FGF14: variants seen among roughly 807,000 people sequenced by gnomAD.
FGF14 encodes the protein fibroblast growth factor 14, also known as fibroblast growth factor homologous factor 4.
In FGF14, 5 loss-of-function variants were observed where a neutral mutation model predicts 25.5. The ratio of observed to expected loss-of-function variants is 0.20; its 90% CI spans 0.10 to 0.41. The LOEUF (loss-of-function observed/expected upper bound fraction) is 0.41, where lower values mean the gene tolerates loss of function less well. Among genes scored for constraint, FGF14 ranks in the 10% least tolerant of loss-of-function variants. The pLI, the probability that FGF14 is intolerant of heterozygous loss-of-function variation, is 1.00. For missense variants in FGF14, 222 were observed against 320.1 expected (o/e 0.69, Z 2.34); for synonymous variants, 138 against 118.3 (o/e 1.17, Z -1.08).
chr13:102,298,004 T>C (rs1300777110), intron 1 of FGF14, among the ~76,000 whole-genome samples: 1 of 152,086 alleles, frequency 6.6e-6, no homozygotes, highest in African/African-American at 2.4e-5. Flanking sequence ...TTTATACACA[T>C]TGTACTGTTG....
intron 1 of FGF14, among the ~76,000 whole-genome samples, chr13:102,161,712 GAAGAAGAAGAAGAAT>G (rs2047776377): frequency 8.0e-5 from 12 of 149,228 alleles, no homozygotes; most frequent in Non-Finnish European, 1.6e-4. Flanking sequence ...AGAAGAAGAA[GAAGAAGAAGAAGAAT>G]AGAAATGTGT....
intron 1 of FGF14, among the ~76,000 whole-genome samples, chr13:102,095,773 C>T (rs2044365588): frequency 6.6e-6 from 1 of 151,886 alleles, no homozygotes; most frequent in African/African-American, 2.4e-5. Flanking sequence ...TCTATCTTAC[C>T]TTACAGTAAG....
chr13:102,276,215 C>T (rs1054869645), intron 1 of FGF14, among the ~76,000 whole-genome samples: 11 of 150,416 alleles, frequency 7.3e-5, no homozygotes, highest in African/African-American at 2.4e-4. Flanking sequence ...CAGATGAAAT[C>T]TCAGTCAACA....
chr13:101,985,491 A>G (rs1482289289), intron 1 of FGF14, among the ~76,000 whole-genome samples: 1 of 152,122 alleles, frequency 6.6e-6, no homozygotes, highest in Non-Finnish European at 1.5e-5. Flanking sequence ...CCATTATTTC[A>G]GTATCTTGCT....
At chr13:102,150,835 G>A (rs2047053167) in intron 1 of FGF14, among the ~76,000 whole-genome samples, 1 of 152,082 alleles carries the variant, frequency 6.6e-6, no homozygotes, top group Non-Finnish European at 1.5e-5. Context: ...TAGAGATCTG[G>A]GTGCTGCCAA....
At chr13:102,212,551 G>A (rs2050205295) in intron 1 of FGF14, among the ~76,000 whole-genome samples, 1 of 152,128 alleles carries the variant, frequency 6.6e-6, no homozygotes, top group East Asian at 1.9e-4. Context: ...CTGAAGGTGA[G>A]GAACCATATC....
rs950774008 is a variant in FGF14 at position 101,721,065 on chromosome 13, G to C, written c.*1766C>G. 1 of 152,048 alleles carries C rather than the reference G, an allele frequency of 6.6e-6. No individual in the cohort carries two copies. Among genetic ancestry groups the C allele is most frequent in the African/African-American group, 2.4e-5 (1 of 41,406 alleles). 9.4% of individuals were successfully genotyped at this position (152,048 alleles called of 1,614,324 possible). A position where few individuals can be genotyped will look rare whatever the true frequency, so the allele number is the denominator to read the frequency against. On this transcript the variant is annotated 3_prime_UTR_variant, in exon 5 of 5. Coordinates refer to ENST00000376143, the MANE Select transcript of FGF14 (RefSeq NM_004115.4). ...TGCAGATGGGGAAAATGATGACTGG[G>C]TCATCCTCCCACATAGAAAGAATAA...
rs1036147042 is a variant in FGF14, at chr13:101,713,419, C to A, written c.*9412G>T. 2 of 152,142 alleles carry A rather than the reference C, an allele frequency of 1.3e-5. No homozygotes were observed. The highest frequency in any genetic ancestry group is 2.9e-5 in the Non-Finnish European group (2 of 68,014). 9.4% of individuals were successfully genotyped at this position (152,142 alleles called of 1,614,324 possible). On this transcript the variant is annotated 3_prime_UTR_variant, in exon 5 of 5. Coordinates refer to ENST00000376143, the MANE Select transcript of FGF14 (RefSeq NM_004115.4). ...TGTCAAAATACTCTTTTCAACTGCA[C>A]ATTTTTTCAACGTGATTTTGACTCA...
At chr13:102,169,836 C>T (rs530980431) in intron 1 of FGF14, among the ~76,000 whole-genome samples, 1 of 152,254 alleles carries the variant, frequency 6.6e-6, no homozygotes, top group Admixed American at 6.5e-5. Context: ...CTACACCACC[C>T]AGTCCAGCAG....
chr13:101,886,774 A>G (rs1388533363), intron 1 of FGF14, among the ~76,000 whole-genome samples: 1 of 152,156 alleles, frequency 6.6e-6, no homozygotes, highest in African/African-American at 2.4e-5. Context: ...CAGAATGAGA[A>G]AATATTTGCC....
intron 1 of FGF14, among the ~76,000 whole-genome samples, chr13:102,326,296 T>G (rs2056420625): frequency 6.6e-6 from 1 of 152,188 alleles, no homozygotes; most frequent in Non-Finnish European, 1.5e-5. Flanking sequence ...AGTGACAAAC[T>G]GCACAATGCA....
chr13:102,200,834 A>G (rs547850229), intron 1 of FGF14, among the ~76,000 whole-genome samples: 412 of 152,188 alleles, frequency 2.7e-3, no homozygotes, highest in Non-Finnish European at 4.3e-3. Context: ...TTGAGGCGGT[A>G]GCTCATGCCT....
At chr13:101,981,982 G>A (rs888254924) in intron 1 of FGF14, among the ~76,000 whole-genome samples, 8 of 152,164 alleles carry the variant, frequency 5.3e-5, no homozygotes, top group African/African-American at 1.9e-4. Context: ...GATCTCAGGG[G>A]AAAATAAATG....
rs144955627 is a variant in FGF14, at chr13:102,058,908, C to A, written c.209-183612G>T. 4.7e-5 allele frequency among the ~76,000 whole-genome samples: 7 copies of A among 148,654 alleles called. No homozygotes were observed. The East Asian group carries it at 1.4e-3, about 29-fold the overall frequency. On this transcript the variant is annotated intron_variant, in intron 1 of 4. Coordinates refer to the FGF14 transcript ENST00000376131. Reference sequence around the variant, plus strand: ...AAATAGTCAACATTTCTCATGATATCGAATTGCTCAACAGACCAGGAATTT... The same window carrying A: ...AAATAGTCAACATTTCTCATGATATAGAATTGCTCAACAGACCAGGAATTT...
intron 1 of FGF14, among the ~76,000 whole-genome samples, chr13:102,323,957 ATGTGTG>A (rs3066051): frequency 0.26 from 35,452 of 136,216 alleles, 4,237 homozygotes; most frequent in African/African-American, 0.28. Flanking sequence ...AACGTGCAGT[ATGTGTG>A]TGTGTGTGTG....
intron 1 of FGF14, among the ~76,000 whole-genome samples, chr13:102,011,520 A>G (rs764910944): frequency 1.3e-5 from 2 of 151,728 alleles, no homozygotes; most frequent in South Asian, 2.1e-4. Flanking sequence ...AGCTGAGAGC[A>G]TAGAGAGCAG....
chr13:101,883,803 C>T (rs4450265), intron 1 of FGF14, among the ~76,000 whole-genome samples: 5,778 of 151,916 alleles, frequency 0.038, 397 homozygotes, highest in African/African-American at 0.13. Context: ...TGGCTCACAC[C>T]TGTAATCCCA....
At chr13:102,022,426 G>A (rs1312037422) in intron 1 of FGF14, among the ~76,000 whole-genome samples, 1 of 152,078 alleles carries the variant, frequency 6.6e-6, no homozygotes, top group African/African-American at 2.4e-5. Context: ...TCATTGAGAT[G>A]ACAAGCTAAA....
chr13:101,804,354 T>C (rs1467039899), intron 3 of FGF14, among the ~76,000 whole-genome samples: 2 of 152,144 alleles, frequency 1.3e-5, no homozygotes, highest in Non-Finnish European at 2.9e-5. Context: ...GGGATCACAA[T>C]GCATCCCAAA....
Sources: allele counts gnomAD v4.1 joint callset (sites outside exome capture counted in the v4.1 genomes callset), GRCh38; gene constraint gnomAD v4.1.1; transcripts MANE v1.5; gene names NCBI Gene and HGNC (gene_info 2026-07-23, HGNC 2026-07-21).